SCAI: variants seen among roughly 807,000 people sequenced by gnomAD.
SCAI encodes the protein protein SCAI.
In SCAI, 24 loss-of-function variants were observed where a neutral mutation model predicts 92.2. The ratio of observed to expected loss-of-function variants is 0.26; its 90% CI spans 0.19 to 0.37. The LOEUF (loss-of-function observed/expected upper bound fraction) is 0.37, where lower values mean the gene tolerates loss of function less well. Among genes scored for constraint, SCAI ranks in the 10% least tolerant of loss-of-function variants. The probability of loss-of-function intolerance (pLI) is 1.00; values close to 1 mark genes in which losing one functional copy is unlikely to be tolerated. For missense variants in SCAI, 450 were observed against 736.2 expected, an observed-to-expected ratio of 0.61 and a Z score of 4.50; for synonymous variants, 261 against 258.6, an observed-to-expected ratio of 1.01 and a Z score of -0.09.
intron 14 of SCAI, among the ~76,000 whole-genome samples, chr9:124,976,880 C>CTT (rs1056203460): frequency 6.8e-6 from 1 of 146,906 alleles, no homozygotes; most frequent in African/African-American, 2.5e-5. Flanking sequence ...ATACCATGTT[C>CTT]TTTTTTTTTT....
At position 125,063,856 on chromosome 9, in the gene SCAI, T is replaced by G. The variant is rs556838404; in HGVS notation, c.99-7849A>C. 8.6e-4 allele frequency among the ~76,000 whole-genome samples: 130 copies of G among 151,650 alleles called. 4 individuals are homozygous for G. In the South Asian group the frequency reaches 0.027, roughly 31 times the overall value. On this transcript the variant is annotated intron_variant, in intron 2 of 17. Coordinates refer to ENST00000336505, the MANE Select transcript of SCAI (RefSeq NM_001144877.3). ...GCAACCTCCATCTCCCAGGTTCAAGTGATTTTCCTGCCTCAGCCTCCCAAG... is the reference window on the plus strand; with the variant it reads ...GCAACCTCCATCTCCCAGGTTCAAGGGATTTTCCTGCCTCAGCCTCCCAAG...
At chr9:125,028,797 CTCTT>C (rs1414556205) in intron 4 of SCAI, among the ~76,000 whole-genome samples, 1 of 145,348 alleles carries the variant, frequency 6.9e-6, no homozygotes, top group Non-Finnish European at 1.5e-5. Context: ...AAGAACATTA[CTCTT>C]TTTTTTCCTT....
intron 2 of SCAI, chr9:125,142,171 T>G (rs1800595919): frequency 6.5e-6 from 1 of 154,160 alleles, no homozygotes; most frequent in Non-Finnish European, 1.4e-5. Context: ...CCGGCTAGTT[T>G]TTCAATTTTT....
intron 14 of SCAI, among the ~76,000 whole-genome samples, chr9:124,993,277 CA>C (rs1191462987): frequency 3.9e-5 from 6 of 152,154 alleles, no homozygotes; most frequent in African/African-American, 1.4e-4. Flanking sequence ...AAAAACAAAA[CA>C]AATATACAAT....
intron 6 of SCAI, among the ~76,000 whole-genome samples, chr9:125,023,819 G>C (rs1588159065): frequency 1.3e-5 from 2 of 152,134 alleles, no homozygotes; most frequent in East Asian, 3.9e-4. Context: ...GGAAGCCACT[G>C]TGATGAACTG....
chr9:125,042,858 CTTTTTTTTTTTTT>C (rs770118712), intron 3 of SCAI, among the ~76,000 whole-genome samples: 7 of 50,996 alleles, frequency 1.4e-4, no homozygotes, highest in South Asian at 7.7e-4. Flanking sequence ...TGCTCCCTGG[CTTTTTTTTTTTTT>C]TTTTTTTTTT....
chr9:125,047,920 GA>G (rs1249338401), intron 3 of SCAI, among the ~76,000 whole-genome samples: 4 of 151,944 alleles, frequency 2.6e-5, no homozygotes, highest in African/African-American at 7.3e-5. Flanking sequence ...AATGTGGCTA[GA>G]AAATTTAAAA....
chr9:124,966,089 A>T (rs1588121171), intron 17 of SCAI, among the ~76,000 whole-genome samples: 1 of 152,290 alleles, frequency 6.6e-6, no homozygotes, highest in African/African-American at 2.4e-5. Context: ...ATGATTTTTT[A>T]AAATTATACT....
intron 9 of SCAI, among the ~76,000 whole-genome samples, chr9:125,009,181 A>C (rs1002102555): frequency 1.3e-5 from 2 of 152,192 alleles, no homozygotes; most frequent in African/African-American, 4.8e-5. Flanking sequence ...ATTATAGAAG[A>C]AGCAGGATTG....
chr9:125,076,695 C>A (rs1461499830), intron 2 of SCAI, among the ~76,000 whole-genome samples: 1 of 151,978 alleles, frequency 6.6e-6, no homozygotes, highest in Admixed American at 6.6e-5. Flanking sequence ...TGGCGAAACA[C>A]CATTTTTCCT....
chr9:125,139,542 C>T (rs1036105190), intron 2 of SCAI, among the ~76,000 whole-genome samples: 4 of 152,120 alleles, frequency 2.6e-5, no homozygotes, highest in African/African-American at 9.7e-5. Flanking sequence ...TGAAGGTTCA[C>T]CAGAAAGTTA....
At chr9:125,012,493 T>C (rs1312223047) in intron 9 of SCAI, among the ~76,000 whole-genome samples, 2 of 152,146 alleles carry the variant, frequency 1.3e-5, no homozygotes, top group Admixed American at 6.5e-5. Context: ...CCTAAATATA[T>C]ATGCACCCAA....
intron 9 of SCAI, among the ~76,000 whole-genome samples, chr9:125,013,685 C>T (rs1451124824): frequency 2.0e-5 from 3 of 152,084 alleles, no homozygotes; most frequent in African/African-American, 7.2e-5. Context: ...TTTATGAGGC[C>T]AGCATCATCC....
rs1831094118 is a variant in SCAI at position 124,943,573 on chromosome 9, C to T, written c.*9234G>A. The T allele has an allele frequency of 6.6e-6, 1 of 152,196 alleles. No individual in the cohort carries two copies. Among genetic ancestry groups the T allele is most frequent in the Non-Finnish European group, 1.5e-5 (1 of 68,018 alleles). 9.4% of individuals were successfully genotyped at this position (152,196 alleles called of 1,614,324 possible). On this transcript the variant is annotated 3_prime_UTR_variant, in exon 18 of 18. Transcript: ENST00000336505. ...TTAAAATTCTATAACATTTCAGTTA[C>T]AGACAAGCACAATTGTTAAAAAGTA...
chr9:125,087,024 A>G (rs138544016), intron 2 of SCAI, among the ~76,000 whole-genome samples: 41 of 152,312 alleles, frequency 2.7e-4, no homozygotes, highest in African/African-American at 9.9e-4. Context: ...AAGGGGCACT[A>G]TTAGACTTTG....
At chr9:125,073,668 T>A (rs1834027486) in intron 2 of SCAI, among the ~76,000 whole-genome samples, 1 of 152,204 alleles carries the variant, frequency 6.6e-6, no homozygotes. Context: ...GCAATGTCTA[T>A]CCTATGACTC....
chr9:125,074,699 CTT>C (rs1834051862), intron 2 of SCAI, among the ~76,000 whole-genome samples: 1 of 151,656 alleles, frequency 6.6e-6, no homozygotes, highest in Non-Finnish European at 1.5e-5. Flanking sequence ...AATCTAAACT[CTT>C]ATATTATTAA....
At chr9:125,078,251 G>A (rs977239357) in intron 2 of SCAI, among the ~76,000 whole-genome samples, 2 of 152,072 alleles carry the variant, frequency 1.3e-5, no homozygotes, top group African/African-American at 4.8e-5. Flanking sequence ...ATTAGGCTGG[G>A]CGTGTTGGCT....
At chr9:125,142,500 T>G (rs1030322723) in intron 2 of SCAI, 133 bp downstream of exon 2, 2 of 645,484 alleles carry the variant, frequency 3.1e-6, no homozygotes, top group African/African-American at 1.9e-5. Flanking sequence ...AAATCATGCA[T>G]GTGGTTATAT....
Sources: allele counts gnomAD v4.1 joint callset (sites outside exome capture counted in the v4.1 genomes callset), GRCh38; gene constraint gnomAD v4.1.1; transcripts MANE v1.5; gene names NCBI Gene and HGNC (gene_info 2026-07-23, HGNC 2026-07-21).